The following ADGRB1 variants were observed in gnomAD, a reference collection of about 807,000 sequenced individuals.
ADGRB1 encodes the protein brain-specific angiogenesis inhibitor 1.
Under a neutral mutation model 175.7 loss-of-function variants are expected in ADGRB1, and 36 were observed. The ratio of observed to expected loss-of-function variants is 0.20; its 90% CI spans 0.16 to 0.27. ADGRB1 has a LOEUF of 0.27. ADGRB1 is among the 10% of genes least tolerant of loss of function. The probability of loss-of-function intolerance (pLI) is 1.00; values close to 1 mark genes in which losing one functional copy is unlikely to be tolerated. For synonymous variants in ADGRB1, 1,054 were observed against 979.4 expected (o/e 1.08, Z -1.42); for missense variants, 1,731 against 2,255.3 (o/e 0.77, Z 4.71).
intron 24 of ADGRB1, among the ~76,000 whole-genome samples, chr8:142,532,359 G>A (rs978754139): frequency 4.6e-5 from 7 of 152,222 alleles, no homozygotes; most frequent in Admixed American, 1.3e-4. Flanking sequence ...GGCCACGCGC[G>A]GAACCCAGTG....
chr8:142,536,972 G>T lies in ADGRB1; in HGVS notation c.3571-15G>T. ...GGCGTGGCTGCCACTGAGGTGCTCG[G>T]CTCTCCCTCCCCAGGTCCAGGACGC... On this transcript the variant is annotated splice_polypyrimidine_tract_variant and intron_variant, in intron 25 of 30. Coordinates refer to ENST00000517894, the MANE Select transcript of ADGRB1 (RefSeq NM_001702.3). The T allele has an allele frequency of 6.4e-7, 1 of 1,570,694 alleles. No individual in the cohort carries two copies.
chr8:142,510,909 T>TA lies in ADGRB1; in HGVS notation c.2676-23_2676-22insA. 8 of 1,051,250 alleles carry TA rather than the reference T, an allele frequency of 7.6e-6. No homozygotes were observed. The highest frequency in any genetic ancestry group is 8.1e-6 in the Non-Finnish European group (7 of 867,520). 65.1% of individuals were successfully genotyped at this position (1,051,250 alleles called of 1,614,324 possible). ...GCCGCTGACGCTCCGCCTGTCTCCC[T>TA]CCCGTGTCCCGCCCGCCCCCAGACC... On this transcript the variant is annotated intron_variant, in intron 17 of 30. Transcript: ENST00000517894. The surrounding 1 kb of genome is among the most constrained non-coding windows in gnomAD (Gnocchi z 6.3).
rs1840160663 is a variant in ADGRB1 at position 142,464,670 on chromosome 8, C to T, written c.472C>T (p.Pro158Ser). The change falls in exon 2 of 31, where the codon CCC becomes TCC. Residue 158 changes from proline (P) to serine (S), a missense_variant. By Grantham distance (74) the Pro-to-Ser change is moderately conservative (BLOSUM62 -1). Coordinates refer to ENST00000517894, the MANE Select transcript of ADGRB1 (RefSeq NM_001702.3). ...QQPPQHDGLR[P>S]RAGPPGPTDD... The stretch of plus-strand genomic sequence containing the variant: ...GCCGCCCCAGCACGACGGGCTCCGG[C>T]CCCGGGCCGGGCCGCCGGGCCCCAC... 3 of 1,523,556 alleles carry T rather than the reference C, an allele frequency of 2.0e-6. No homozygotes were observed. Among genetic ancestry groups the T allele is most frequent in the Non-Finnish European group, 2.6e-6 (3 of 1,141,392 alleles). The allele number at this position is 1,523,556 out of a possible 1,614,324, so 94.4% of individuals were successfully genotyped here.
At position 142,493,625 on chromosome 8, in the gene ADGRB1, A is replaced by G. The variant is rs1333602796; in HGVS notation, c.2675+2810A>G. Among the ~76,000 whole-genome samples the G allele has an allele frequency of 2.0e-5, 3 of 152,102 alleles. No homozygotes were observed. The highest frequency in any genetic ancestry group is 7.2e-5 in the African/African-American group (3 of 41,408). ...GCCCAAGTTGCCTCTTGGGTCCTTG[A>G]CCCTGCCCGGCAGCCAGGCCACGCT... is the stretch of plus-strand genomic sequence containing the variant. On this transcript the variant is annotated intron_variant, in intron 17 of 30. Coordinates refer to ENST00000517894, the MANE Select transcript of ADGRB1 (RefSeq NM_001702.3). The surrounding 1 kb of genome is among the most constrained non-coding windows in gnomAD (Gnocchi z 5.0).
chr8:142,449,736 G>GTTGGCGGCGGGCGCGGCT lies in ADGRB1; in HGVS notation c.-578_-577insGCGCGGCTTTGGCGGCGG, dbSNP rs1295310853. ...CGCAGGCGGCGGCGGCGGGCGCGGC[G>GTTGGCGGCGGGCGCGGCT]TTGGCGGCGGCCCCGGCGGAGCGAG... On this transcript the variant is annotated 5_prime_UTR_variant, in exon 1 of 31. Transcript: ENST00000517894. 3.4e-5 allele frequency: 5 copies of GTTGGCGGCGGGCGCGGCT among 146,542 alleles called. No homozygotes were observed. Among genetic ancestry groups the GTTGGCGGCGGGCGCGGCT allele is most frequent in the African/African-American group, 1.2e-4 (5 of 40,640 alleles). The allele number at this position is 146,542 out of a possible 1,614,324, so 9.1% of individuals were successfully genotyped here.
At chr8:142,533,612 C>T (rs1844755007) in intron 25 of ADGRB1, 146 bp downstream of exon 25, 8 of 993,602 alleles carry the variant, frequency 8.1e-6, no homozygotes, top group Non-Finnish European at 8.5e-6. Context: ...CCTCGGTGGT[C>T]CACAGAGCGG....
chr8:142,497,544 G>A (rs1842280743), intron 17 of ADGRB1, among the ~76,000 whole-genome samples: 1 of 152,168 alleles, frequency 6.6e-6, no homozygotes, highest in South Asian at 2.1e-4. Context: ...GGCCTCTTTG[G>A]TGGCCTGGGA....
intron 22 of ADGRB1, 138 bp from the exon 23 acceptor site, chr8:142,524,100 C>A: frequency 1.1e-6 from 1 of 911,556 alleles, no homozygotes; most frequent in African/African-American, 1.6e-5. Context: ...GTGACCTGCC[C>A]TGCATGCCGA....
At chr8:142,516,469 ATGTG>A (rs796669183) in intron 18 of ADGRB1, among the ~76,000 whole-genome samples, 5 of 63,256 alleles carry the variant, frequency 7.9e-5, no homozygotes, top group Admixed American at 2.2e-4. Flanking sequence ...CGGGCCCCAG[ATGTG>A]TGTGTGTGCG....
intron 19 of ADGRB1, among the ~76,000 whole-genome samples, chr8:142,519,708 GTGGTGC>G (rs1223652638): frequency 5.0e-5 from 2 of 40,092 alleles, no homozygotes; most frequent in Middle Eastern, 0.031. Flanking sequence ...GATGGTGTTG[GTGGTGC>G]TGGTGCTGGT....
Position 142,481,270 on chromosome 8 carries a change from G to A in ADGRB1, c.1845G>A (p.Arg615=). 1 of 1,613,810 alleles carries A rather than the reference G, an allele frequency of 6.2e-7. No homozygotes were observed. The highest frequency in any genetic ancestry group is 8.5e-7 in the Non-Finnish European group (1 of 1,179,862). ...TCTCCCCAGGACTCATCCTGCGACG[G>A]TGTGAGCTGGACGAGGAAGGCATCG... is the stretch of plus-strand genomic sequence containing the variant. ...PRNATGLILR[R]CELDEEGIAY... is the part of the protein sequence containing the mutation. Residue 615 remains arginine (R), a synonymous_variant, in exon 10 of 31, where the codon CGG becomes CGA. Transcript: ENST00000517894.
chr8:142,494,371 C>T (rs1842119237), intron 17 of ADGRB1, among the ~76,000 whole-genome samples: 1 of 151,948 alleles, frequency 6.6e-6, no homozygotes. Context: ...AGATCTTAGC[C>T]ACACATAGTC....
At chr8:142,516,475 G>GCGTC (rs1843443787) in intron 18 of ADGRB1, among the ~76,000 whole-genome samples, 1 of 134,930 alleles carries the variant, frequency 7.4e-6, no homozygotes, top group African/African-American at 2.8e-5. Context: ...CCAGATGTGT[G>GCGTC]TGTGTGCGCG....
At chr8:142,506,520 A>G (rs1842860996) in intron 17 of ADGRB1, among the ~76,000 whole-genome samples, 1 of 152,210 alleles carries the variant, frequency 6.6e-6, no homozygotes, top group South Asian at 2.1e-4. Flanking sequence ...TGTGACCCAG[A>G]TATTCCAAGT....
chr8:142,474,359 G>T lies in ADGRB1; in HGVS notation c.785-1115G>T, dbSNP rs1409649915. 6.6e-6 allele frequency among the ~76,000 whole-genome samples: 1 copy of T among 152,180 alleles called. No homozygotes were observed. The highest frequency in any genetic ancestry group is 1.5e-5 in the Non-Finnish European group (1 of 68,018). On this transcript the variant is annotated intron_variant, in intron 2 of 30. Transcript: ENST00000517894. The surrounding 1 kb of genome is among the most constrained non-coding windows in gnomAD (Gnocchi z 5.8). ...GTGGGTCCCCTCGTGGTGGCCGCCA[G>T]CTGTCTCCTCGCCACCGTAGCCAGG...
At chr8:142,496,796 T>C (rs1049739140) in intron 17 of ADGRB1, among the ~76,000 whole-genome samples, 2 of 152,158 alleles carry the variant, frequency 1.3e-5, no homozygotes, top group African/African-American at 4.8e-5. Context: ...TGGGGTGTTC[T>C]GCCAGAAGCC....
rs925283142 is a variant in ADGRB1, at chr8:142,542,580, C to G, written c.4346C>G (p.Pro1449Arg). 11 of 1,540,328 alleles carry G rather than the reference C, an allele frequency of 7.1e-6. No homozygotes were observed. The highest frequency in any genetic ancestry group is 8.7e-6 in the Non-Finnish European group (10 of 1,143,092). The stretch of plus-strand genomic sequence containing the variant: ...GATCCCGGGGAGCCTGCCGCCCATC[C>G]GGGACCCAGCACGGGGCCCAGCACC... ...LGDPGEPAAH[P>R]GPSTGPSTKN... is the part of the protein sequence containing the mutation. Residue 1449 changes from proline to arginine, a missense_variant, in exon 28 of 31, where the codon CCG (proline) becomes CGG (arginine). Physicochemically the swap from Pro to Arg is moderately radical, Grantham distance 103. Coordinates refer to ENST00000517894, the MANE Select transcript of ADGRB1 (RefSeq NM_001702.3). The surrounding 1 kb of genome is among the most constrained non-coding windows in gnomAD (Gnocchi z 6.3).
At position 142,470,413 on chromosome 8, in the gene ADGRB1, A is replaced by G. The variant is rs552650911; in HGVS notation, c.785-5061A>G. Among the ~76,000 whole-genome samples, 3 of 150,970 alleles carry G rather than the reference A, an allele frequency of 2.0e-5. No individual in the cohort carries two copies. In the East Asian group the frequency reaches 5.9e-4, roughly 30 times the overall value. On this transcript the variant is annotated intron_variant, in intron 2 of 30. Transcript: ENST00000517894. Reference sequence around the variant, plus strand: ...TGTCCTCGTGTGTGTGTGTGTCCCTATGTGTCCCCGTGTGGTGTGTGTGGA... The same window carrying G: ...TGTCCTCGTGTGTGTGTGTGTCCCTGTGTGTCCCCGTGTGGTGTGTGTGGA...
At chr8:142,517,359 G>A (rs1023907692) in intron 18 of ADGRB1, among the ~76,000 whole-genome samples, 3 of 152,222 alleles carry the variant, frequency 2.0e-5, no homozygotes, top group African/African-American at 4.8e-5. Context: ...CCCGGCACCC[G>A]GATGACACCC....
Sources: gnomAD v4.1 joint callset for allele counts (sites outside exome capture counted in the v4.1 genomes callset) on GRCh38, gnomAD v4.1.1 for gene constraint, Gnocchi (gnomAD v3.1) non-coding constraint, MANE v1.5 for transcripts, NCBI Gene and HGNC (gene_info 2026-07-23, HGNC 2026-07-21) for gene names.